Variants in RNF138 observed in about 807,000 individuals in gnomAD.
RNF138 encodes the protein ring finger protein 138, also known as E3 ubiquitin-protein ligase RNF138.
A neutral mutation model predicts 31.0 loss-of-function variants in RNF138; 12 were observed. That is an observed-to-expected ratio of 0.39 (90% CI 0.25 to 0.63). The LOEUF is 0.63. Among genes scored for constraint, RNF138 ranks in the 20% least tolerant of loss-of-function variants. The pLI, the probability that RNF138 is intolerant of heterozygous loss-of-function variation, is 0.52. For synonymous variants in RNF138, 105 were observed against 99.5 expected (o/e 1.06, Z -0.33); for missense variants, 192 against 300.1 (o/e 0.64, Z 2.66).
chr18:32,113,702 G>T, intron 3 of RNF138, 43 bp from the exon 4 acceptor site: 12 of 853,690 alleles, frequency 1.4e-5, no homozygotes, highest in South Asian at 6.0e-5. Context: ...CAAATCTTAC[G>T]AGTTCTATTT....
intron 2 of RNF138, among the ~76,000 whole-genome samples, chr18:32,108,088 C>G (rs1472230984): frequency 1.3e-5 from 2 of 151,984 alleles, no homozygotes; most frequent in African/African-American, 4.8e-5. Context: ...CTCCTGACTT[C>G]AGGTGATCCA....
At chr18:32,098,746 G>A (rs898693003) in intron 2 of RNF138, among the ~76,000 whole-genome samples, 2 of 151,706 alleles carry the variant, frequency 1.3e-5, no homozygotes, top group African/African-American at 4.8e-5. Flanking sequence ...CCAGCTGTTC[G>A]GGAGGCTGAG....
At chr18:32,111,075 C>T (rs371975908) in intron 2 of RNF138, among the ~76,000 whole-genome samples, 6 of 152,228 alleles carry the variant, frequency 3.9e-5, no homozygotes, top group East Asian at 3.8e-4. Flanking sequence ...CCACCGTGCC[C>T]GGCAAAGCCG....
Position 32,126,637 on chromosome 18 carries a change from G to A in RNF138, c.562-56G>A, listed in dbSNP as rs941529883. On this transcript the variant is annotated intron_variant, in intron 6 of 7. Transcript: ENST00000261593. The stretch of plus-strand genomic sequence containing the variant: ...CTGTGTTATTTTAATACTGTCAATT[G>A]TATAATATTTCATTGTTTTTATTAT... The A allele has an allele frequency of 3.7e-6, 4 of 1,080,084 alleles. No homozygotes were observed. The African/African-American group carries it at 6.4e-5, about 17-fold the overall frequency. The allele number at this position is 1,080,084 out of a possible 1,614,324, so 66.9% of individuals were successfully genotyped here. A position where few individuals can be genotyped will look rare whatever the true frequency, so the allele number is the denominator to read the frequency against.
Position 32,130,961 on chromosome 18 carries a change from C to G in RNF138, c.*1774C>G, listed in dbSNP as rs1439272886. 1 of 152,300 alleles carries G rather than the reference C, an allele frequency of 6.6e-6. No homozygotes were observed. The highest frequency in any genetic ancestry group is 2.4e-5 in the African/African-American group (1 of 41,360). The allele number at this position is 152,300 out of a possible 1,614,324, so 9.4% of individuals were successfully genotyped here. On this transcript the variant is annotated 3_prime_UTR_variant, in exon 8 of 8. Coordinates refer to ENST00000261593, the MANE Select transcript of RNF138 (RefSeq NM_016271.5). ...TTTTCCAGTTTAAAGCAATAACTTT[C>G]ATAGTTTCTTTCAAAGTTTAATACA...
intron 2 of RNF138, among the ~76,000 whole-genome samples, chr18:32,102,289 C>T (rs1480779944): frequency 2.0e-5 from 3 of 148,674 alleles, no homozygotes; most frequent in Non-Finnish European, 3.0e-5. Context: ...GCAAGCTCCA[C>T]CTCCCAGGTT....
At chr18:32,108,305 T>G (rs545013802) in intron 2 of RNF138, among the ~76,000 whole-genome samples, 1 of 152,098 alleles carries the variant, frequency 6.6e-6, no homozygotes, top group South Asian at 2.1e-4. Flanking sequence ...TCCCAGAAAC[T>G]CCCCTAATGT....
intron 2 of RNF138, among the ~76,000 whole-genome samples, chr18:32,103,444 C>G (rs1048212469): frequency 1.3e-5 from 2 of 152,006 alleles, no homozygotes; most frequent in Admixed American, 1.3e-4. Flanking sequence ...CCTCCTGCCT[C>G]AGCCTCCCAA....
At chr18:32,124,135 C>T (rs2040349755) in intron 5 of RNF138, 2 of 152,588 alleles carry the variant, frequency 1.3e-5, no homozygotes, top group South Asian at 4.1e-4. Context: ...GTAAAGTTGT[C>T]TGTGTTGAAC....
intron 4 of RNF138, among the ~76,000 whole-genome samples, chr18:32,120,258 A>C (rs183142727): frequency 2.1e-4 from 32 of 152,256 alleles, no homozygotes; most frequent in Admixed American, 1.7e-3. Flanking sequence ...TTTCCCCATT[A>C]ATAGTTTTAC....
At chr18:32,104,670 T>A (rs1203694380) in intron 2 of RNF138, among the ~76,000 whole-genome samples, 2 of 152,168 alleles carry the variant, frequency 1.3e-5, no homozygotes, top group Non-Finnish European at 2.9e-5. Flanking sequence ...TCACTTACAA[T>A]AGCAACAAAA....
At chr18:32,129,064 G>C in intron 7 of RNF138, 55 bp from the exon 8 acceptor site, 1 of 1,192,918 alleles carries the variant, frequency 8.4e-7, no homozygotes, top group Non-Finnish European at 1.3e-6. Context: ...TTTGGGCAAA[G>C]TATTAGAGTA....
rs998721906 is a variant in RNF138, at chr18:32,106,214, C to T, written c.111-5540C>T. 5.3e-5 allele frequency among the ~76,000 whole-genome samples: 8 copies of T among 152,258 alleles called. No homozygotes were observed. In the South Asian group the frequency reaches 1.2e-3, roughly 24 times the overall value. On this transcript the variant is annotated intron_variant, in intron 2 of 7. Transcript: ENST00000261593. ...TGTTTGGGTTTTGTTAGTAGTCTGG[C>T]GACAAGGTTGCACGAGTGGTCTATT...
chr18:32,101,237 C>CAT (rs1432855058), intron 2 of RNF138, among the ~76,000 whole-genome samples: 1 of 142,620 alleles, frequency 7.0e-6, no homozygotes, highest in Non-Finnish European at 1.5e-5. Flanking sequence ...TTTTCAAAGA[C>CAT]AGAGTCTGGC....
intron 1 of RNF138, among the ~76,000 whole-genome samples, chr18:32,092,448 T>G (rs2039709163): frequency 6.9e-6 from 1 of 144,542 alleles, no homozygotes; most frequent in African/African-American, 2.6e-5. Context: ...GCCTAGAGCG[T>G]GAGGCCGCGT....
At chr18:32,111,516 TAAG>T (rs771897331) in intron 2 of RNF138, among the ~76,000 whole-genome samples, 17 of 152,302 alleles carry the variant, frequency 1.1e-4, no homozygotes, top group Non-Finnish European at 1.9e-4. Flanking sequence ...TATATTATGT[TAAG>T]AAGTTGTAAA....
chr18:32,122,163 G>A (rs953691640), intron 4 of RNF138, among the ~76,000 whole-genome samples: 2 of 152,224 alleles, frequency 1.3e-5, no homozygotes, highest in Admixed American at 6.5e-5. Context: ...CACTGTGCCC[G>A]GCCTGGGTTA....
chr18:32,118,408 C>T (rs1384371404), intron 4 of RNF138, among the ~76,000 whole-genome samples: 2 of 151,920 alleles, frequency 1.3e-5, no homozygotes, highest in African/African-American at 2.4e-5. Context: ...GTGGCACACA[C>T]CTGTAGTCCC....
chr18:32,099,429 A>T (rs745806300), intron 2 of RNF138, among the ~76,000 whole-genome samples: 2 of 152,064 alleles, frequency 1.3e-5, no homozygotes, highest in Admixed American at 6.6e-5. Flanking sequence ...TTTAGACAAA[A>T]TCTCGCTCTG....
Sources: gnomAD v4.1 joint callset for allele counts (sites outside exome capture counted in the v4.1 genomes callset) on GRCh38, gnomAD v4.1.1 for gene constraint, MANE v1.5 for transcripts, NCBI Gene and HGNC (gene_info 2026-07-23, HGNC 2026-07-21) for gene names.